The following FAM76B variants were observed in gnomAD, a reference collection of about 807,000 sequenced individuals.
FAM76B encodes protein FAM76B.
FAM76B carries 16 observed loss-of-function variants against 51.8 expected under a neutral mutation model. The observed-to-expected ratio is 0.31, with a 90% CI of 0.21 to 0.47. FAM76B has a LOEUF of 0.47. Among genes scored for constraint, FAM76B ranks in the 20% least tolerant of loss-of-function variants. The probability of loss-of-function intolerance (pLI) is 1.00; values close to 1 mark genes in which losing one functional copy is unlikely to be tolerated. For synonymous variants in FAM76B, 166 were observed against 129.5 expected (o/e 1.28, Z -1.91); for missense variants, 342 against 392.6 (o/e 0.87, Z 1.09).
In FAM76B at chr11:95,771,378, A is replaced by C. The variant is rs549895793; in HGVS notation, c.*183T>G. On this transcript the variant is annotated 3_prime_UTR_variant, in exon 10 of 10. Coordinates refer to ENST00000358780, the MANE Select transcript of FAM76B (RefSeq NM_144664.5). ...TAAAAAGTTACTTCAAACCAGTTGAAGTTTTATTTGAATGTTTTACAACTT... is the reference window on the plus strand; with the variant it reads ...TAAAAAGTTACTTCAAACCAGTTGACGTTTTATTTGAATGTTTTACAACTT... The C allele has an allele frequency of 1.9e-5, 9 of 479,862 alleles. No homozygotes were observed. In the South Asian group the frequency reaches 2.1e-4, roughly 11 times the overall value. The allele number at this position is 479,862 out of a possible 1,614,324, so 29.7% of individuals were successfully genotyped here.
chr11:95,773,311 GTCTT>G (rs1461970921), intron 9 of FAM76B, among the ~76,000 whole-genome samples: 1 of 150,550 alleles, frequency 6.6e-6, no homozygotes, highest in East Asian at 1.9e-4. Context: ...TAAGACAAAA[GTCTT>G]TATGGTAAAT....
At position 95,769,764 on chromosome 11, in the gene FAM76B, C is replaced by G. The variant is rs931320583; in HGVS notation, c.*1797G>C. On this transcript the variant is annotated 3_prime_UTR_variant, in exon 10 of 10. Coordinates refer to ENST00000358780, the MANE Select transcript of FAM76B (RefSeq NM_144664.5). ...GCATTATCTATCATGGTTGAGAGTA[C>G]TAAATTTAAGAAAATTATTACATGA... 1.3e-5 allele frequency: 2 copies of G among 151,426 alleles called. No homozygotes were observed. Among genetic ancestry groups the G allele is most frequent in the African/African-American group, 4.8e-5 (2 of 41,330 alleles). 9.4% of individuals were successfully genotyped at this position (151,426 alleles called of 1,614,324 possible). A position where few individuals can be genotyped will look rare whatever the true frequency, so the allele number is the denominator to read the frequency against.
chr11:95,788,365 G>A (rs1860720616), intron 2 of FAM76B, 134 bp downstream of exon 2: 2 of 719,742 alleles, frequency 2.8e-6, no homozygotes, highest in Admixed American at 5.5e-5. Flanking sequence ...TGTATAAAAG[G>A]TTTACAACTT....
chr11:95,785,056 C>T (rs1473508790), intron 4 of FAM76B, among the ~76,000 whole-genome samples: 1 of 152,036 alleles, frequency 6.6e-6, no homozygotes. Flanking sequence ...TTTTAGTTAC[C>T]CATAGTCAAC....
intron 8 of FAM76B, among the ~76,000 whole-genome samples, chr11:95,776,439 G>T (rs1860011088): frequency 6.6e-6 from 1 of 151,404 alleles, no homozygotes; most frequent in Non-Finnish European, 1.5e-5. Context: ...AATGCTTAAA[G>T]AAAGAAATTT....
rs369643194 is a variant in FAM76B at position 95,783,047 on chromosome 11, T to C, written c.563+18A>G. On this transcript the variant is annotated intron_variant, in intron 5 of 9. Transcript: ENST00000358780. ...ATGCAAGGAAGAGTTTTAGAAAATA[T>C]GATTTCAAAGTACTTACTTGTGATG... is the stretch of plus-strand genomic sequence containing the variant. 4 of 1,609,780 alleles carry C rather than the reference T, an allele frequency of 2.5e-6. No homozygotes were observed. The highest frequency in any genetic ancestry group is 3.4e-5 in the Admixed American group (2 of 59,542).
intron 1 of FAM76B, chr11:95,789,147 C>G: frequency 8.1e-7 from 1 of 1,239,226 alleles, no homozygotes; most frequent in Non-Finnish European, 1.1e-6. Flanking sequence ...CCCCCAGACG[C>G]TGACGGGGCC....
chr11:95,780,442 T>C (rs1860206666), intron 5 of FAM76B, among the ~76,000 whole-genome samples: 1 of 151,956 alleles, frequency 6.6e-6, no homozygotes, highest in South Asian at 2.1e-4. Context: ...TCCATAGAGC[T>C]CTCTTTAGTT....
intron 7 of FAM76B, chr11:95,779,305 A>G: frequency 1.9e-6 from 1 of 520,972 alleles, no homozygotes; most frequent in Non-Finnish European, 3.3e-6. Flanking sequence ...AGGTCAATTT[A>G]AAATATCACA....
chr11:95,779,710 A>G (rs1393796400), intron 6 of FAM76B, 23 bp from the exon 7 acceptor site: 2 of 1,601,836 alleles, frequency 1.2e-6, no homozygotes, highest in East Asian at 2.2e-5. Context: ...ATTAATAAGA[A>G]TAGTTAGAGT....
chr11:95,777,599 A>G (rs898878813), intron 8 of FAM76B, among the ~76,000 whole-genome samples: 2 of 151,438 alleles, frequency 1.3e-5, no homozygotes, highest in African/African-American at 4.8e-5. Context: ...AATGCTGTCA[A>G]TCAAAAAGAA....
chr11:95,787,179 T>A (rs974641551), intron 3 of FAM76B, among the ~76,000 whole-genome samples: 4 of 152,210 alleles, frequency 2.6e-5, no homozygotes, highest in African/African-American at 9.6e-5. Context: ...CATCAAAGTA[T>A]CTATAGAAAA....
chr11:95,782,093 T>C (rs1175274415), intron 5 of FAM76B, among the ~76,000 whole-genome samples: 2 of 152,178 alleles, frequency 1.3e-5, no homozygotes, highest in Non-Finnish European at 2.9e-5. Context: ...GTCCGTTTTT[T>C]CCATTTTAAT....
At position 95,770,126 on chromosome 11, in the gene FAM76B, A is replaced by T. The variant is rs988899879; in HGVS notation, c.*1435T>A. Reference sequence around the variant, plus strand: ...TTAAGAGAAGCAACTCACTCTATACAGTGTATCTAGCAATACTTTAAAATC... The same window carrying T: ...TTAAGAGAAGCAACTCACTCTATACTGTGTATCTAGCAATACTTTAAAATC... On this transcript the variant is annotated 3_prime_UTR_variant, in exon 10 of 10. Transcript: ENST00000358780. The T allele has an allele frequency of 6.6e-6, 1 of 151,558 alleles. No individual in the cohort carries two copies. The highest frequency in any genetic ancestry group is 1.5e-5 in the Non-Finnish European group (1 of 67,582). The allele number at this position is 151,558 out of a possible 1,614,324, so 9.4% of individuals were successfully genotyped here.
chr11:95,788,471 A>G, intron 2 of FAM76B, 28 bp downstream of exon 2: 2 of 1,534,530 alleles, frequency 1.3e-6, no homozygotes, highest in Non-Finnish European at 9.0e-7. Context: ...CTTGTCTTTA[A>G]CAGTCAAAAA....
intron 1 of FAM76B, 133 bp from the exon 2 acceptor site, chr11:95,788,696 G>A: frequency 8.2e-7 from 1 of 1,212,490 alleles, no homozygotes; most frequent in Non-Finnish European, 1.1e-6. Flanking sequence ...TAAAGAACTG[G>A]ATGCTTTATC....
chr11:95,789,288 C>A (rs1329563021), intron 1 of FAM76B, 104 bp downstream of exon 1: 2 of 1,318,200 alleles, frequency 1.5e-6, no homozygotes, highest in Admixed American at 2.1e-5. Context: ...GACTCCCAAA[C>A]CCCTGAGGCG....
At chr11:95,777,033 T>C (rs1033125885) in intron 8 of FAM76B, among the ~76,000 whole-genome samples, 3 of 151,274 alleles carry the variant, frequency 2.0e-5, no homozygotes, top group African/African-American at 7.3e-5. Context: ...AATGCCAACA[T>C]ACACCAGATC....
rs772153610 is a variant in FAM76B, at chr11:95,786,100, T to C, written c.363+19A>G. The stretch of plus-strand genomic sequence containing the variant: ...TTTATTTAATTTCCAGAAGATGTCA[T>C]AACATAAATAAAGCATACCTTTCTT... On this transcript the variant is annotated intron_variant, in intron 4 of 9. Coordinates refer to ENST00000358780, the MANE Select transcript of FAM76B (RefSeq NM_144664.5). 5.0e-6 allele frequency: 8 copies of C among 1,587,078 alleles called. No homozygotes were observed. The African/African-American group carries it at 6.8e-5, about 13-fold the overall frequency.
Sources: gnomAD v4.1 joint callset for allele counts (sites outside exome capture counted in the v4.1 genomes callset) on GRCh38, gnomAD v4.1.1 for gene constraint, MANE v1.5 for transcripts, NCBI Gene and HGNC (gene_info 2026-07-23, HGNC 2026-07-21) for gene names.